Variants in MARCHF10 observed in about 807,000 individuals in gnomAD.
MARCHF10 encodes probable E3 ubiquitin-protein ligase MARCHF10.
A neutral mutation model predicts 76.2 loss-of-function variants in MARCHF10; 64 were observed. The observed-to-expected ratio is 0.84, with a 90% CI of 0.69 to 1.03. MARCHF10 has a LOEUF of 1.03. MARCHF10 is among the 50% of genes least tolerant of loss of function. The pLI is 0.00. For synonymous variants in MARCHF10, 340 were observed against 357.5 expected (o/e 0.95, Z 0.55); for missense variants, 875 against 958.0 (o/e 0.91, Z 1.14).
chr17:62,715,686 C>T (rs376978862), intron 8 of MARCHF10, among the ~76,000 whole-genome samples: 3 of 152,208 alleles, frequency 2.0e-5, no homozygotes, highest in Non-Finnish European at 2.9e-5. Flanking sequence ...AAGATGAAAC[C>T]GCCAGGTCCC....
chr17:62,743,493 A>T (rs56023585), intron 5 of MARCHF10, among the ~76,000 whole-genome samples: 1 of 152,138 alleles, frequency 6.6e-6, no homozygotes, highest in Admixed American at 6.5e-5. Context: ...GATACAAAAA[A>T]TTAGCCGGGC....
chr17:62,727,093 G>A (rs115822041), intron 6 of MARCHF10, among the ~76,000 whole-genome samples: 1,815 of 152,240 alleles, frequency 0.012, 47 homozygotes, highest in African/African-American at 0.042. Flanking sequence ...TCAGTATCTG[G>A]GGCCCAGGAA....
intron 3 of MARCHF10, among the ~76,000 whole-genome samples, chr17:62,769,821 A>G (rs1296689242): frequency 6.6e-6 from 1 of 151,964 alleles, no homozygotes; most frequent in Non-Finnish European, 1.5e-5. Flanking sequence ...ATTCTCAAGG[A>G]TATGTTTTAT....
At chr17:62,792,887 T>A (rs1263860104) in intron 2 of MARCHF10, among the ~76,000 whole-genome samples, 2 of 104,666 alleles carry the variant, frequency 1.9e-5, no homozygotes, top group Admixed American at 2.0e-4. Flanking sequence ...ATCCCCTCCA[T>A]CAACCACCAC....
At chr17:62,730,479 T>C (rs1289441332) in intron 6 of MARCHF10, among the ~76,000 whole-genome samples, 1 of 152,240 alleles carries the variant, frequency 6.6e-6, no homozygotes, top group East Asian at 1.9e-4. Flanking sequence ...TATTAAGCGC[T>C]TACTGTATGC....
intron 4 of MARCHF10, chr17:62,750,515 A>AG (rs2091863233): frequency 6.5e-6 from 1 of 152,908 alleles, no homozygotes; most frequent in South Asian, 2.1e-4. Context: ...AACACAGAAC[A>AG]GGGGGTGCTT....
At chr17:62,748,385 C>T (rs2091780727) in intron 4 of MARCHF10, among the ~76,000 whole-genome samples, 1 of 150,868 alleles carries the variant, frequency 6.6e-6, no homozygotes, top group African/African-American at 2.4e-5. Flanking sequence ...GGCCGGGCGA[C>T]AGTGCAAGGC....
Position 62,736,015 on chromosome 17 carries a change from C to G in MARCHF10, c.1853G>C (p.Arg618Thr). 1 of 1,614,170 alleles carries G rather than the reference C, an allele frequency of 6.2e-7. No homozygotes were observed. Among genetic ancestry groups the G allele is most frequent in the Non-Finnish European group, 8.5e-7 (1 of 1,180,040 alleles). ...ATCTGTGAAACCAGAGGCTGCCATC[C>G]TGCTCCCATTATCATTTTGATTTGG... ...HFPNQNDNGS[R>T]MAASGFTDEK... Residue 618 changes from arginine to threonine, a missense_variant, in exon 6 of 11, where the codon AGG (arginine) becomes ACG (threonine). Transcript: ENST00000311269.
At position 62,701,592 on chromosome 17, in the gene MARCHF10, A is replaced by G. The variant is rs768270804; in HGVS notation, c.*111T>C. On this transcript the variant is annotated 3_prime_UTR_variant, in exon 11 of 11. Transcript: ENST00000311269. ...GCACGAGGTGAAAATCTAACTGTGA[A>G]CGCTTTGGTTTCAGTTTCAGTAAAG... 3.8e-6 allele frequency: 6 copies of G among 1,596,716 alleles called. No individual in the cohort carries two copies. The highest frequency in any genetic ancestry group is 5.1e-6 in the Non-Finnish European group (6 of 1,174,294).
At chr17:62,701,804 G>T in intron 10 of MARCHF10, 46 bp from the exon 11 acceptor site, 1 of 1,612,154 alleles carries the variant, frequency 6.2e-7, no homozygotes, top group South Asian at 1.1e-5. Context: ...GCAGCAGACC[G>T]TGGGTCTGTT....
chr17:62,790,673 C>T lies in MARCHF10; in HGVS notation c.91-2074G>A, dbSNP rs116172057. The stretch of plus-strand genomic sequence containing the variant: ...GGAAAGATTCCTTCAGCACGTTTCA[C>T]GCCCTCTGTTAGAAAAAGCATCTCC... On this transcript the variant is annotated intron_variant, in intron 2 of 10. Coordinates refer to ENST00000311269, the MANE Select transcript of MARCHF10 (RefSeq NM_152598.4). 3.6e-3 allele frequency among the ~76,000 whole-genome samples: 553 copies of T among 152,334 alleles called. 8 individuals carry two copies. The highest frequency in any genetic ancestry group is 0.012 in the African/African-American group (493 of 41,576).
intron 6 of MARCHF10, among the ~76,000 whole-genome samples, chr17:62,733,876 AT>A (rs1190669601): frequency 1.3e-5 from 2 of 152,210 alleles, no homozygotes; most frequent in Admixed American, 6.5e-5. Context: ...GTTCATAAAT[AT>A]ACACAACATA....
At chr17:62,708,857 T>G (rs1482313792) in intron 9 of MARCHF10, among the ~76,000 whole-genome samples, 1 of 152,124 alleles carries the variant, frequency 6.6e-6, no homozygotes, top group East Asian at 1.9e-4. Context: ...TTTGCATTCA[T>G]ATAGCTCACA....
At chr17:62,705,814 C>T (rs1300969908) in intron 9 of MARCHF10, among the ~76,000 whole-genome samples, 1 of 152,142 alleles carries the variant, frequency 6.6e-6, no homozygotes, top group African/African-American at 2.4e-5. Context: ...TCTCGGGCTT[C>T]TAAATTTGGC....
chr17:62,703,894 G>A (rs1397422500), intron 10 of MARCHF10, among the ~76,000 whole-genome samples: 3 of 152,224 alleles, frequency 2.0e-5, no homozygotes, highest in Non-Finnish European at 2.9e-5. Context: ...CAGGCTCCAG[G>A]GTGTGCGGGG....
chr17:62,799,799 C>A (rs1244542616), intron 2 of MARCHF10, among the ~76,000 whole-genome samples: 2 of 151,912 alleles, frequency 1.3e-5, no homozygotes, highest in Non-Finnish European at 2.9e-5. Context: ...TTCTGTGAGA[C>A]CCAGTGTGAC....
At chr17:62,792,752 CACCACCACCACCTCCATCACT>C (rs2092876789) in intron 2 of MARCHF10, among the ~76,000 whole-genome samples, 1 of 140,850 alleles carries the variant, frequency 7.1e-6, no homozygotes, top group Non-Finnish European at 1.6e-5. Flanking sequence ...CCACCTCCAT[CACCACCACCACCTCCATCACT>C]ACCACCACCA....
In MARCHF10 at chr17:62,744,539, CAA is replaced by C. The variant is rs1361213175; in HGVS notation, c.383-13_383-12del. On this transcript the variant is annotated splice_polypyrimidine_tract_variant and intron_variant, in intron 4 of 10. Coordinates refer to ENST00000311269, the MANE Select transcript of MARCHF10 (RefSeq NM_152598.4). ...TTGGTGCTTGGTCTGCTGAAAGATGCAAAGTCTTTTCAATAATTATTTTGTTT... is the reference window on the plus strand; with the variant it reads ...TTGGTGCTTGGTCTGCTGAAAGATGCAGTCTTTTCAATAATTATTTTGTTT... 5.0e-6 allele frequency: 8 copies of C among 1,611,124 alleles called. No homozygotes were observed. The highest frequency in any genetic ancestry group is 2.2e-5 in the South Asian group (2 of 90,416).
intron 5 of MARCHF10, among the ~76,000 whole-genome samples, chr17:62,739,475 G>C (rs1376861303): frequency 1.3e-5 from 2 of 150,982 alleles, no homozygotes; most frequent in Non-Finnish European, 2.9e-5. Flanking sequence ...TCCACCTCCT[G>C]GGTTCAAGCA....
Sources: allele counts gnomAD v4.1 joint callset (sites outside exome capture counted in the v4.1 genomes callset), GRCh38; gene constraint gnomAD v4.1.1; transcripts MANE v1.5; gene names NCBI Gene and HGNC (gene_info 2026-07-23, HGNC 2026-07-21).